The following DIPK1A variants were observed in gnomAD, a reference collection of about 807,000 sequenced individuals.
DIPK1A encodes family with sequence similarity 69 member A.
Under a neutral mutation model 40.8 loss-of-function variants are expected in DIPK1A, and 27 were observed. The observed-to-expected ratio is 0.66, with a 90% CI of 0.49 to 0.91. The LOEUF (loss-of-function observed/expected upper bound fraction) is 0.91. Among genes scored for constraint, DIPK1A ranks in the 40% least tolerant of loss-of-function variants. The probability of loss-of-function intolerance (pLI) is 0.00; values close to 1 mark genes in which losing one functional copy is unlikely to be tolerated. For missense variants in DIPK1A, 412 were observed against 505.7 expected (o/e 0.81, Z 1.78); for synonymous variants, 166 against 171.3 (o/e 0.97, Z 0.24).
chr1:92,867,493 T>C (rs1647610519), intron 2 of DIPK1A, among the ~76,000 whole-genome samples: 1 of 152,106 alleles, frequency 6.6e-6, no homozygotes, highest in African/African-American at 2.4e-5. Context: ...GTTAAACAGA[T>C]ATAAACTTTG....
At chr1:92,876,576 C>T (rs1648138466) in intron 1 of DIPK1A, 146 bp from the exon 2 acceptor site, 4 of 785,650 alleles carry the variant, frequency 5.1e-6, no homozygotes, top group Non-Finnish European at 7.9e-6. Flanking sequence ...AGTGCACTTT[C>T]ACTGAGTCCA....
At chr1:92,888,138 A>T (rs1341129498) in intron 1 of DIPK1A, among the ~76,000 whole-genome samples, 1 of 151,962 alleles carries the variant, frequency 6.6e-6, no homozygotes, top group Non-Finnish European at 1.5e-5. Context: ...TACTTCTCCT[A>T]TCTAGCTGTG....
intron 1 of DIPK1A, among the ~76,000 whole-genome samples, chr1:92,948,504 G>A (rs1473636754): frequency 6.7e-6 from 1 of 149,526 alleles, no homozygotes; most frequent in African/African-American, 2.5e-5. Context: ...GGCTGGTCTC[G>A]AACTCTTGAG....
chr1:92,875,371 C>A (rs1648070391), intron 2 of DIPK1A, among the ~76,000 whole-genome samples: 1 of 152,112 alleles, frequency 6.6e-6, no homozygotes, highest in Admixed American at 6.5e-5. Context: ...CAAATCATTA[C>A]TATTCAAATA....
At chr1:92,840,403 C>T (rs975928933), downstream of DIPK1A, 23 of 671,278 alleles carry the variant, frequency 3.4e-5, no homozygotes, top group Middle Eastern at 4.2e-4. Context: ...AGGTGAGTTA[C>T]ATTTAGAAGT....
At chr1:92,940,629 G>T (rs1651116755) in intron 1 of DIPK1A, among the ~76,000 whole-genome samples, 1 of 152,118 alleles carries the variant, frequency 6.6e-6, no homozygotes, top group Admixed American at 6.5e-5. Context: ...TTTGTTTGTG[G>T]ATCCCACAAA....
intron 1 of DIPK1A, among the ~76,000 whole-genome samples, chr1:92,905,922 G>A (rs533434783): frequency 6.6e-6 from 1 of 152,152 alleles, no homozygotes; most frequent in South Asian, 2.1e-4. Flanking sequence ...TGTCAAAAAC[G>A]AGTTCACTGT....
At chr1:92,922,069 A>C (rs1206928354) in intron 1 of DIPK1A, among the ~76,000 whole-genome samples, 1 of 152,214 alleles carries the variant, frequency 6.6e-6, no homozygotes, top group Non-Finnish European at 1.5e-5. Context: ...GTTTAAGCTA[A>C]TACTACTATT....
intron 2 of DIPK1A, among the ~76,000 whole-genome samples, chr1:92,861,291 A>G (rs989265174): frequency 1.4e-5 from 2 of 142,450 alleles, no homozygotes; most frequent in Non-Finnish European, 3.1e-5. Flanking sequence ...AGATAATCAT[A>G]TATTAATAGC....
chr1:92,842,432 T>C lies in DIPK1A; in HGVS notation c.*951A>G, dbSNP rs2100702114. ...TCTGAGTATACGTGTGAAAATAATATGAAAGAGGAGCAAATACTAAACCTT... is the reference window on the plus strand; with the variant it reads ...TCTGAGTATACGTGTGAAAATAATACGAAAGAGGAGCAAATACTAAACCTT... On this transcript the variant is annotated 3_prime_UTR_variant, in exon 5 of 5. Coordinates refer to ENST00000370310, the MANE Select transcript of DIPK1A (RefSeq NM_001006605.5). 4 of 980,386 alleles carry C rather than the reference T, an allele frequency of 4.1e-6. No homozygotes were observed. The highest frequency in any genetic ancestry group is 1.1e-4 in the East Asian group (1 of 8,810). 60.7% of individuals were successfully genotyped at this position (980,386 alleles called of 1,614,324 possible). A position where few individuals can be genotyped will look rare whatever the true frequency, so the allele number is the denominator to read the frequency against.
intron 1 of DIPK1A, among the ~76,000 whole-genome samples, chr1:92,903,361 T>C (rs1486211583): frequency 6.6e-6 from 1 of 152,218 alleles, no homozygotes; most frequent in Non-Finnish European, 1.5e-5. Context: ...TTACACTGCT[T>C]TCTAAAATGC....
At chr1:92,959,786 T>G (rs532476699) in intron 1 of DIPK1A, among the ~76,000 whole-genome samples, 2 of 147,442 alleles carry the variant, frequency 1.4e-5, no homozygotes, top group Non-Finnish European at 3.0e-5. Context: ...CTCACTCTGT[T>G]GCCCAGGCTG....
chr1:92,852,431 C>T (rs1391589470), intron 2 of DIPK1A, among the ~76,000 whole-genome samples: 4 of 148,910 alleles, frequency 2.7e-5, no homozygotes, highest in Non-Finnish European at 6.0e-5. Context: ...CCTGCGGGGG[C>T]GGAGGTTGCA....
At chr1:92,929,607 T>C (rs1172398961) in intron 1 of DIPK1A, among the ~76,000 whole-genome samples, 1 of 10,848 alleles carries the variant, frequency 9.2e-5, no homozygotes, top group Non-Finnish European at 9.2e-4. Context: ...TCCTTTCAGA[T>C]TGAGTTTAAT....
At chr1:92,876,564 A>T in intron 1 of DIPK1A, 134 bp from the exon 2 acceptor site, 2 of 904,632 alleles carry the variant, frequency 2.2e-6, no homozygotes, top group Non-Finnish European at 3.3e-6. Flanking sequence ...ATTCTAGAAC[A>T]AAGTGCACTT....
intron 1 of DIPK1A, among the ~76,000 whole-genome samples, chr1:92,901,159 G>C (rs554937215): frequency 6.5e-4 from 99 of 152,134 alleles, no homozygotes; most frequent in African/African-American, 2.2e-3. Flanking sequence ...AGCATACATT[G>C]TTAATGTCCT....
downstream of DIPK1A, chr1:92,842,055 G>C: frequency 1.3e-6 from 1 of 788,366 alleles, no homozygotes; most frequent in Non-Finnish European, 1.8e-6. Context: ...AAAAAAAGTT[G>C]TTATTTCTTG....
In DIPK1A at chr1:92,843,364, G is replaced by T. The variant is rs1219082513; in HGVS notation, c.*19C>A. ...TAAAAGTGGCAGGTTTCTTAAAATG[G>T]TAATTATGTCCAAATGAACTAAGAG... On this transcript the variant is annotated 3_prime_UTR_variant, in exon 5 of 5. Coordinates refer to ENST00000370310, the MANE Select transcript of DIPK1A (RefSeq NM_001006605.5). 9 of 1,474,776 alleles carry T rather than the reference G, an allele frequency of 6.1e-6. No homozygotes were observed. The highest frequency in any genetic ancestry group is 7.2e-6 in the Non-Finnish European group (8 of 1,112,500). 91.4% of individuals were successfully genotyped at this position (1,474,776 alleles called of 1,614,324 possible).
chr1:92,835,277 A>G, intron 4 of DIPK1A: 1 of 354,252 alleles, frequency 2.8e-6, no homozygotes, highest in Non-Finnish European at 5.5e-6. Context: ...TTAAAAATGC[A>G]GACTCGTGGG....
Sources: gnomAD v4.1 joint callset for allele counts (sites outside exome capture counted in the v4.1 genomes callset) on GRCh38, gnomAD v4.1.1 for gene constraint, MANE v1.5 for transcripts, NCBI Gene and HGNC (gene_info 2026-07-23, HGNC 2026-07-21) for gene names.